The following GOLGA4 variants were observed in gnomAD, a reference collection of about 807,000 sequenced individuals.
The protein encoded by GOLGA4 is golgin subfamily A member 4.
GOLGA4 carries 169 observed loss-of-function variants against 265.9 expected under a neutral mutation model. The ratio of observed to expected loss-of-function variants is 0.64; its 90% CI spans 0.56 to 0.72. The LOEUF is 0.72. Among genes scored for constraint, GOLGA4 ranks in the 30% least tolerant of loss-of-function variants. The pLI is 0.00. For synonymous variants in GOLGA4, 923 were observed against 855.8 expected (o/e 1.08, Z -1.37); for missense variants, 2,482 against 2,483.4 (o/e 1.00, Z 0.01).
At chr3:37,353,194 CAG>C (rs2097080059) in intron 21 of GOLGA4, among the ~76,000 whole-genome samples, 1 of 152,070 alleles carries the variant, frequency 6.6e-6, no homozygotes, top group Non-Finnish European at 1.5e-5. Flanking sequence ...AGTACAGTAA[CAG>C]ATATTATAAT....
At chr3:37,318,363 C>T (rs2096943914) in intron 11 of GOLGA4, among the ~76,000 whole-genome samples, 1 of 152,092 alleles carries the variant, frequency 6.6e-6, no homozygotes, top group African/African-American at 2.4e-5. Flanking sequence ...ATCTTTAATA[C>T]ACACTAAATT....
chr3:37,285,881 C>T lies in GOLGA4; in HGVS notation c.478-133C>T, dbSNP rs554751987. 91 of 503,452 alleles carry T rather than the reference C, an allele frequency of 1.8e-4. 1 individual carries two copies. Among genetic ancestry groups the T allele is most frequent in the South Asian group, 2.6e-4 (7 of 26,506 alleles). 31.2% of individuals were successfully genotyped at this position (503,452 alleles called of 1,614,324 possible). On this transcript the variant is annotated intron_variant, in intron 3 of 23. Coordinates refer to ENST00000361924, the MANE Select transcript of GOLGA4 (RefSeq NM_002078.5). ...TCCTATGTTAGTTTTGACCGTCATG[C>T]ATCTAATTAGGTTATCCTATTAAGG...
At chr3:37,248,439 C>T (rs114478782) in intron 1 of GOLGA4, among the ~76,000 whole-genome samples, 147 of 152,312 alleles carry the variant, frequency 9.7e-4, no homozygotes, top group African/African-American at 3.3e-3. Flanking sequence ...AATTAATCAG[C>T]TCAAGTTTGG....
At chr3:37,356,931 C>T (rs1441779052) in intron 22 of GOLGA4, among the ~76,000 whole-genome samples, 1 of 152,072 alleles carries the variant, frequency 6.6e-6, no homozygotes, top group African/African-American at 2.4e-5. Context: ...CATCCTAAGT[C>T]GCTGCTCTAG....
chr3:37,333,255 A>G (rs1040147706), intron 16 of GOLGA4, among the ~76,000 whole-genome samples: 3 of 152,206 alleles, frequency 2.0e-5, no homozygotes, highest in African/African-American at 7.2e-5. Flanking sequence ...TCTTTTTAAC[A>G]TTGACTGTAT....
chr3:37,295,671 C>T lies in GOLGA4; in HGVS notation c.682-416C>T, dbSNP rs527995402. 3.9e-5 allele frequency among the ~76,000 whole-genome samples: 6 copies of T among 152,206 alleles called. No homozygotes were observed. In the South Asian group the frequency reaches 8.3e-4, roughly 21 times the overall value. On this transcript the variant is annotated intron_variant, in intron 6 of 23. Coordinates refer to ENST00000361924, the MANE Select transcript of GOLGA4 (RefSeq NM_002078.5). ...TTAGTAAGAAGAATATCATTTAATC[C>T]GTCCTCTCTCTGTTTTAAATAAAGT...
At chr3:37,351,814 C>T (rs78536026) in intron 21 of GOLGA4, among the ~76,000 whole-genome samples, 5,830 of 152,094 alleles carry the variant, frequency 0.038, 144 homozygotes, top group African/African-American at 0.056. Context: ...TCATCCAGGC[C>T]TTGTTTCATT....
At chr3:37,323,231 A>ATTC (rs1402343952) in intron 13 of GOLGA4, among the ~76,000 whole-genome samples, 2 of 144,216 alleles carry the variant, frequency 1.4e-5, no homozygotes, top group East Asian at 4.1e-4. Context: ...GGTTCAAGGG[A>ATTC]TTCCCCAACC....
intron 21 of GOLGA4, among the ~76,000 whole-genome samples, chr3:37,352,524 A>T (rs1031088366): frequency 6.6e-6 from 1 of 151,998 alleles, no homozygotes; most frequent in African/African-American, 2.4e-5. Context: ...GACAGAGCCA[A>T]ATCATGTCGC....
At chr3:37,349,655 G>T (rs1353953296) in intron 21 of GOLGA4, among the ~76,000 whole-genome samples, 3 of 152,142 alleles carry the variant, frequency 2.0e-5, no homozygotes, top group Non-Finnish European at 2.9e-5. Flanking sequence ...GGATTTACAA[G>T]ATCAGAGCTG....
chr3:37,289,361 C>A, intron 5 of GOLGA4, 70 bp downstream of exon 5: 1 of 975,398 alleles, frequency 1.0e-6, no homozygotes, highest in Non-Finnish European at 1.6e-6. Context: ...GTTGTATGTG[C>A]TAGGGTAGTT....
chr3:37,282,421 T>C (rs2150771758), intron 3 of GOLGA4, 149 bp downstream of exon 3: 1 of 643,338 alleles, frequency 1.6e-6, no homozygotes, highest in Non-Finnish European at 2.7e-6. Context: ...TGTGGCATTA[T>C]CTAGTTAAAG....
In GOLGA4 at chr3:37,347,191, A is replaced by T; in HGVS notation, c.6473-2A>T. ...AGTTTGATCTATTTTTTTATTTGGC[A>T]GGTGGCAATTTGTACCATACGGATG... On this transcript the variant is annotated splice_acceptor_variant, in intron 20 of 23. Transcript: ENST00000361924. LOFTEE classifies it high-confidence loss of function. 1 of 1,584,954 alleles carries T rather than the reference A, an allele frequency of 6.3e-7. No homozygotes were observed.
Position 37,276,325 on chromosome 3 carries a change from C to T in GOLGA4, c.163-5633C>T, listed in dbSNP as rs1448361295. 4.4e-6 allele frequency: 7 copies of T among 1,605,572 alleles called. No homozygotes were observed. The Admixed American group carries it at 5.0e-5, about 11-fold the overall frequency. The stretch of plus-strand genomic sequence containing the variant: ...ATCCAAATTTAAGGAAAAATGTCCT[C>T]TGTGGGAATATTCCTCCTGACTTAT... On this transcript the variant is annotated intron_variant, in intron 2 of 23. Transcript: ENST00000361924.
intron 20 of GOLGA4, among the ~76,000 whole-genome samples, chr3:37,346,705 A>G (rs987696542): frequency 2.6e-5 from 4 of 152,130 alleles, no homozygotes; most frequent in Admixed American, 6.5e-5. Flanking sequence ...CTTGTTTTCT[A>G]TGTTACAAAG....
At chr3:37,322,460 C>A (rs1244026639) in intron 13 of GOLGA4, among the ~76,000 whole-genome samples, 1 of 152,076 alleles carries the variant, frequency 6.6e-6, no homozygotes, top group East Asian at 1.9e-4. Flanking sequence ...ATTTTGAAAA[C>A]TAACTGATGT....
chr3:37,260,614 G>A (rs1461661884), intron 2 of GOLGA4, among the ~76,000 whole-genome samples: 1 of 149,272 alleles, frequency 6.7e-6, no homozygotes, highest in African/African-American at 2.5e-5. Context: ...CTCCAGCCTG[G>A]GCAACAAGAG....
Position 37,282,061 on chromosome 3 carries a change from C to G in GOLGA4, c.266C>G (p.Ser89Cys), listed in dbSNP as rs1329890075. ...PIKESLFRSSSKESLVRTSSR... is the reference protein window; with the variant it reads ...PIKESLFRSSCKESLVRTSSR... ...AAGGAATCTCTATTCCGGTCTTCTT[C>G]TAAAGAGTCTTTGGTACGAACATCT... The change falls in exon 3 of 24, where the codon TCT becomes TGT. Residue 89 changes from serine (S) to cysteine (C), a missense_variant. This residue lies in a region of GOLGA4 where 1,536 missense variants were observed against 1,483.7 expected (regional missense o/e 1.04). Transcript: ENST00000361924. The G allele has an allele frequency of 6.2e-7, 1 of 1,613,976 alleles. No homozygotes were observed. The highest frequency in any genetic ancestry group is 8.5e-7 in the Non-Finnish European group (1 of 1,179,948).
At chr3:37,360,351 G>C (rs1194044409) in intron 22 of GOLGA4, among the ~76,000 whole-genome samples, 1 of 152,146 alleles carries the variant, frequency 6.6e-6, no homozygotes, top group Non-Finnish European at 1.5e-5. Context: ...CATAGACATA[G>C]GGAACATCCA....
Sources: allele counts gnomAD v4.1 joint callset (sites outside exome capture counted in the v4.1 genomes callset), GRCh38; gene constraint gnomAD v4.1.1; regional missense constraint gnomAD v4.1.1; transcripts MANE v1.5; gene names NCBI Gene and HGNC (gene_info 2026-07-23, HGNC 2026-07-21).